GALNT2: variants seen among roughly 807,000 people sequenced by gnomAD.
GALNT2 encodes the protein UDP-GalNAc:polypeptide N-acetylgalactosaminyltransferase 2.
GALNT2 carries 31 observed loss-of-function variants against 81.4 expected under a neutral mutation model. The observed-to-expected ratio is 0.38, with a 90% CI of 0.29 to 0.51. The LOEUF is 0.51. Among genes scored for constraint, GALNT2 ranks in the 20% least tolerant of loss-of-function variants. The probability of loss-of-function intolerance (pLI) is 0.87; values close to 1 mark genes in which losing one functional copy is unlikely to be tolerated. For missense variants in GALNT2, 629 were observed against 765.7 expected (o/e 0.82, Z 2.11); for synonymous variants, 303 against 287.4 (o/e 1.05, Z -0.55).
At chr1:230,185,273 CGT>C (rs1177553093) in intron 2 of GALNT2, among the ~76,000 whole-genome samples, 4,766 of 119,152 alleles carry the variant, frequency 0.04, 98 homozygotes, top group East Asian at 0.08. Flanking sequence ...TGCGTGCGTG[CGT>C]GTGTGTGTGT....
At chr1:230,276,758 C>G (rs1194102720) in intron 15 of GALNT2, among the ~76,000 whole-genome samples, 1 of 152,156 alleles carries the variant, frequency 6.6e-6, no homozygotes, top group Non-Finnish European at 1.5e-5. Context: ...TGACTTGATA[C>G]CAAAATGTGT....
In GALNT2 at chr1:230,281,267, G is replaced by C. The variant is rs1374741581; in HGVS notation, c.*1809G>C. ...AGCCTGGCTGGAGGGCTGCCCTATA[G>C]GTCTTCTCTTCCCGCCTCCCCTGCC... On this transcript the variant is annotated 3_prime_UTR_variant, in exon 16 of 16. Transcript: ENST00000366672. 1.3e-5 allele frequency: 2 copies of C among 152,508 alleles called. No individual in the cohort carries two copies. The highest frequency in any genetic ancestry group is 4.8e-5 in the African/African-American group (2 of 41,442). 9.4% of individuals were successfully genotyped at this position (152,508 alleles called of 1,614,324 possible).
Position 230,070,816 on chromosome 1 carries a change from C to G in GALNT2, c.126+3410C>G, listed in dbSNP as rs140254954. On this transcript the variant is annotated intron_variant, in intron 1 of 15. Coordinates refer to ENST00000366672, the MANE Select transcript of GALNT2 (RefSeq NM_004481.5). The surrounding 1 kb of genome is among the most constrained non-coding windows in gnomAD (Gnocchi z 4.7). Reference sequence around the variant, plus strand: ...GGAGAAATTCAGAACTAAATTGTAACGGGCTTCAAATGCCAAGCTGAACCA... The same window carrying G: ...GGAGAAATTCAGAACTAAATTGTAAGGGGCTTCAAATGCCAAGCTGAACCA... Among the ~76,000 whole-genome samples, 1 of 152,168 alleles carries G rather than the reference C, an allele frequency of 6.6e-6. No individual in the cohort carries two copies.
upstream of GALNT2, among the ~76,000 whole-genome samples, chr1:230,064,947 C>A (rs1558266226): frequency 6.6e-6 from 1 of 152,160 alleles, no homozygotes; most frequent in Non-Finnish European, 1.5e-5. Flanking sequence ...AAAATCTAAT[C>A]GTTTTACTAA....
chr1:230,125,977 G>A (rs528455032), intron 1 of GALNT2, among the ~76,000 whole-genome samples: 9 of 152,230 alleles, frequency 5.9e-5, no homozygotes, highest in Non-Finnish European at 1.2e-4. Context: ...TCAGAGGTTG[G>A]GTGGAGGCAG....
chr1:230,240,920 AGATG>A (rs1015791425), intron 6 of GALNT2, among the ~76,000 whole-genome samples: 4 of 152,180 alleles, frequency 2.6e-5, no homozygotes, highest in Non-Finnish European at 5.9e-5. Flanking sequence ...TCTGTCCACC[AGATG>A]GATCTATTTC....
intron 1 of GALNT2, among the ~76,000 whole-genome samples, chr1:230,083,283 A>G (rs1241051550): frequency 2.4e-5 from 3 of 124,554 alleles, no homozygotes; most frequent in Non-Finnish European, 5.0e-5. Flanking sequence ...TGGGGAGCCC[A>G]GATGTTGGAG....
upstream of GALNT2, among the ~76,000 whole-genome samples, chr1:230,065,613 G>A (rs757687239): frequency 1.3e-5 from 2 of 152,136 alleles, no homozygotes; most frequent in Non-Finnish European, 1.5e-5. Context: ...AAATGCAGTT[G>A]ATTTGATGTT....
chr1:230,278,710 G>A (rs1427378276), intron 15 of GALNT2, among the ~76,000 whole-genome samples: 1 of 152,208 alleles, frequency 6.6e-6, no homozygotes, highest in Non-Finnish European at 1.5e-5. Context: ...CACCAGTAGA[G>A]AACAGACTAC....
At chr1:230,248,993 G>T (rs954748362) in intron 8 of GALNT2, among the ~76,000 whole-genome samples, 191 bp from the exon 9 acceptor site, 2 of 152,056 alleles carry the variant, frequency 1.3e-5, no homozygotes, top group Non-Finnish European at 2.9e-5. Context: ...CCTCACTGCC[G>T]GTCTCTCTCT....
intron 2 of GALNT2, among the ~76,000 whole-genome samples, chr1:230,188,019 T>C (rs1215123547): frequency 1.3e-5 from 2 of 152,204 alleles, no homozygotes; most frequent in Non-Finnish European, 2.9e-5. Flanking sequence ...GTTCTCACTT[T>C]GGGCCCTACG....
At chr1:230,206,455 A>C (rs1664059991) in intron 3 of GALNT2, among the ~76,000 whole-genome samples, 1 of 152,098 alleles carries the variant, frequency 6.6e-6, no homozygotes, top group South Asian at 2.1e-4. Flanking sequence ...ATTTGGGCTA[A>C]ATTAAAGTCT....
intron 1 of GALNT2, among the ~76,000 whole-genome samples, chr1:230,094,104 C>A (rs1278330000): frequency 6.6e-6 from 1 of 151,986 alleles, no homozygotes; most frequent in African/African-American, 2.4e-5. Flanking sequence ...CTCAAGCAAT[C>A]CTCCTGCCTC....
intron 3 of GALNT2, among the ~76,000 whole-genome samples, chr1:230,220,035 G>A (rs1213227625): frequency 6.6e-6 from 1 of 152,138 alleles, no homozygotes; most frequent in Non-Finnish European, 1.5e-5. Context: ...AGGGAATTCA[G>A]ATTGTTAAAA....
chr1:230,237,825 T>C (rs910689739), intron 6 of GALNT2, among the ~76,000 whole-genome samples: 4 of 146,934 alleles, frequency 2.7e-5, no homozygotes, highest in African/African-American at 5.1e-5. Context: ...TCCTACCCCA[T>C]CACCTGGCAC....
intron 3 of GALNT2, among the ~76,000 whole-genome samples, chr1:230,235,480 A>G (rs141647166): frequency 8.5e-4 from 130 of 152,232 alleles, no homozygotes; most frequent in African/African-American, 2.9e-3. Flanking sequence ...GTATTTGGGG[A>G]TGGCCTTCCA....
intron 1 of GALNT2, among the ~76,000 whole-genome samples, chr1:230,095,094 G>C (rs113445831): frequency 2.6e-5 from 4 of 152,204 alleles, no homozygotes; most frequent in African/African-American, 9.6e-5. Context: ...CTCTGGTTGT[G>C]TTGGTTAAGA....
At chr1:230,151,950 CA>C (rs1662106356) in intron 1 of GALNT2, among the ~76,000 whole-genome samples, 1 of 152,178 alleles carries the variant, frequency 6.6e-6, no homozygotes, top group African/African-American at 2.4e-5. Context: ...CTGACATTGC[CA>C]TGGCATTTGT....
intron 1 of GALNT2, among the ~76,000 whole-genome samples, chr1:230,145,697 G>A (rs1661894056): frequency 1.3e-5 from 2 of 152,230 alleles, no homozygotes; most frequent in Admixed American, 1.3e-4. Context: ...TGTGGTGCCT[G>A]ATGCAGCACA....
Sources: gnomAD v4.1 joint callset for allele counts (sites outside exome capture counted in the v4.1 genomes callset) on GRCh38, gnomAD v4.1.1 for gene constraint, Gnocchi (gnomAD v3.1) non-coding constraint, MANE v1.5 for transcripts, NCBI Gene and HGNC (gene_info 2026-07-23, HGNC 2026-07-21) for gene names.